The following KAZN variants were observed in gnomAD, a reference collection of about 807,000 sequenced individuals.
KAZN encodes the protein kazrin.
In KAZN, 40 loss-of-function variants were observed where a neutral mutation model predicts 87.4. The ratio of observed to expected loss-of-function variants is 0.46; its 90% CI spans 0.36 to 0.60. KAZN has a LOEUF of 0.60. Ranked by LOEUF, KAZN falls within the 20% of genes least tolerant of loss-of-function variation. The pLI, the probability that KAZN is intolerant of heterozygous loss-of-function variation, is 0.00. For synonymous variants in KAZN, 466 were observed against 458.3 expected (o/e 1.02, Z -0.22); for missense variants, 898 against 1,073.9 (o/e 0.84, Z 2.29).
At position 15,082,126 on chromosome 1, in the gene KAZN, T is replaced by C. The variant is rs192348705; in HGVS notation, c.1223-12054T>C. ...GCCTGCCCTCACCAAGCTCACTGCC[T>C]CAACTCTGCCTCAGTGGCAGCCGAG... On this transcript the variant is annotated intron_variant, in intron 8 of 14. Coordinates refer to ENST00000376030, the MANE Select transcript of KAZN (RefSeq NM_201628.3). Among the ~76,000 whole-genome samples the C allele has an allele frequency of 2.2e-3, 335 of 152,110 alleles. 1 individual carries two copies. Among genetic ancestry groups the C allele is most frequent in the African/African-American group, 7.8e-3 (323 of 41,506 alleles).
At chr1:14,689,878 C>T (rs982369076) in intron 1 of KAZN, among the ~76,000 whole-genome samples, 1 of 152,180 alleles carries the variant, frequency 6.6e-6, no homozygotes, top group African/African-American at 2.4e-5. Context: ...CAAAGCTAGG[C>T]ACCTGTGTCA....
intron 2 of KAZN, among the ~76,000 whole-genome samples, chr1:14,592,583 C>T (rs530542449): frequency 4.6e-5 from 7 of 152,190 alleles, no homozygotes; most frequent in Admixed American, 1.3e-4. Flanking sequence ...TCTTCATCTT[C>T]GCTTCGGGAA....
At chr1:14,587,151 A>C (rs1463416388) in intron 2 of KAZN, among the ~76,000 whole-genome samples, 1 of 152,130 alleles carries the variant, frequency 6.6e-6, no homozygotes, top group Non-Finnish European at 1.5e-5. Context: ...AATTGACAAA[A>C]GGGGCCAGGC....
In KAZN at chr1:14,945,944, G is replaced by C. The variant is rs1440623501; in HGVS notation, c.227-14740G>C. The C allele has an allele frequency of 3.0e-6, 3 of 985,004 alleles. No homozygotes were observed. The Admixed American group carries it at 1.8e-4, about 61-fold the overall frequency. 61.0% of individuals were successfully genotyped at this position (985,004 alleles called of 1,614,324 possible). On this transcript the variant is annotated intron_variant, in intron 1 of 14. Transcript: ENST00000376030. ...GCATCAGCAGCTGTCTGCCAGTGTT[G>C]ACGGAGGGCTCATGGGTGCCAGGCC...
upstream of KAZN, among the ~76,000 whole-genome samples, chr1:14,598,373 C>T (rs1349602404): frequency 6.6e-6 from 1 of 152,164 alleles, no homozygotes; most frequent in Non-Finnish European, 1.5e-5. This position sits in a 1 kb window ranked among gnomAD's most constrained non-coding sequence, Gnocchi z 4.2. Context: ...ACCCTCTCTT[C>T]CGAGCACCCA....
At chr1:14,646,870 C>G (rs900916825) in intron 1 of KAZN, among the ~76,000 whole-genome samples, 2 of 152,168 alleles carry the variant, frequency 1.3e-5, no homozygotes, top group Non-Finnish European at 2.9e-5. Context: ...TGACAACTGC[C>G]AAAGAATTAG....
intron 1 of KAZN, among the ~76,000 whole-genome samples, chr1:14,763,465 C>T (rs1644800051): frequency 6.6e-6 from 1 of 152,192 alleles, no homozygotes; most frequent in African/African-American, 2.4e-5. Context: ...AACATTTGTA[C>T]CCAGCTACAC....
intron 13 of KAZN, among the ~76,000 whole-genome samples, chr1:15,109,687 ATGTG>A (rs1302910365): frequency 6.6e-5 from 10 of 150,460 alleles, no homozygotes; most frequent in Admixed American, 2.0e-4. Context: ...ATATGGGTGT[ATGTG>A]TATGTTTGTG....
At chr1:13,929,863 G>A (rs921325084) in intron 1 of KAZN, among the ~76,000 whole-genome samples, 12 of 152,148 alleles carry the variant, frequency 7.9e-5, no homozygotes, top group Admixed American at 4.6e-4. Context: ...TTAAATCCTC[G>A]TAGCAACTGC....
intron 1 of KAZN, among the ~76,000 whole-genome samples, chr1:14,738,493 C>T (rs1643982069): frequency 6.6e-6 from 1 of 152,068 alleles, no homozygotes; most frequent in South Asian, 2.1e-4. Context: ...TGTCTCCAAG[C>T]ATCCAATTAA....
chr1:14,667,792 T>C (rs1557876087), intron 1 of KAZN, among the ~76,000 whole-genome samples: 2 of 149,480 alleles, frequency 1.3e-5, no homozygotes, highest in Non-Finnish European at 3.0e-5. Context: ...CCCTCTTTTA[T>C]GTAGATGAGT....
At chr1:14,108,686 AC>A (rs1365792508) in intron 1 of KAZN, among the ~76,000 whole-genome samples, 1 of 151,926 alleles carries the variant, frequency 6.6e-6, no homozygotes, top group Admixed American at 6.6e-5. Flanking sequence ...CCCCAAAGTG[AC>A]CCTTTATCTT....
chr1:14,884,974 G>A lies in KAZN; in HGVS notation c.227-75710G>A, dbSNP rs117191389. 2.3e-4 allele frequency among the ~76,000 whole-genome samples: 35 copies of A among 152,326 alleles called. 1 individual carries two copies. The East Asian group carries it at 5.2e-3, about 23-fold the overall frequency. On this transcript the variant is annotated intron_variant, in intron 1 of 14. Coordinates refer to ENST00000376030, the MANE Select transcript of KAZN (RefSeq NM_201628.3). The stretch of plus-strand genomic sequence containing the variant: ...GCAGAGATCGAGCATCACGGAACAC[G>A]TATCGTAATGCTGTGCTCACCGAGG...
rs148462345 is a variant in KAZN at position 14,618,402 on chromosome 1, T to C, written c.226+19179T>C. ...GGATCATAATTTTATTCTGTACATA[T>C]TTCTTGGGCACCTGCCCCATGGCTG... On this transcript the variant is annotated intron_variant, in intron 1 of 14. Coordinates refer to ENST00000376030, the MANE Select transcript of KAZN (RefSeq NM_201628.3). Among the ~76,000 whole-genome samples the C allele has an allele frequency of 2.2e-3, 334 of 152,340 alleles. 2 individuals carry two copies. Among genetic ancestry groups the C allele is most frequent in the African/African-American group, 7.7e-3 (322 of 41,578 alleles).
intron 1 of KAZN, among the ~76,000 whole-genome samples, chr1:14,781,914 C>T (rs1645363347): frequency 1.3e-5 from 2 of 152,172 alleles, no homozygotes; most frequent in Non-Finnish European, 2.9e-5. Flanking sequence ...GGACTGAATT[C>T]CACGATCCAT....
chr1:15,062,906 G>C (rs545863547), intron 6 of KAZN: 41 of 152,392 alleles, frequency 2.7e-4, no homozygotes, highest in African/African-American at 9.6e-4. Context: ...ACCCCTCCTG[G>C]GGCAGCCCAA....
At chr1:14,227,211 G>A (rs1647369940) in intron 2 of KAZN, among the ~76,000 whole-genome samples, 1 of 152,106 alleles carries the variant, frequency 6.6e-6, no homozygotes, top group Non-Finnish European at 1.5e-5. Context: ...AAAGTGGTGG[G>A]TCTTTCAGTT....
chr1:14,062,391 G>A (rs531909591), intron 1 of KAZN, among the ~76,000 whole-genome samples: 8 of 152,148 alleles, frequency 5.3e-5, no homozygotes, highest in Non-Finnish European at 1.2e-4. Flanking sequence ...GCAAAAGAGG[G>A]TTTTCAGTTT....
intron 1 of KAZN, among the ~76,000 whole-genome samples, chr1:14,644,304 G>C (rs1474956283): frequency 6.7e-6 from 1 of 150,374 alleles, no homozygotes; most frequent in East Asian, 1.9e-4. Flanking sequence ...GAGCCACCAC[G>C]CCCGCCTGCC....
Sources: allele counts gnomAD v4.1 joint callset (sites outside exome capture counted in the v4.1 genomes callset), GRCh38; gene constraint gnomAD v4.1.1; non-coding constraint Gnocchi (gnomAD v3.1); transcripts MANE v1.5; gene names NCBI Gene and HGNC (gene_info 2026-07-23, HGNC 2026-07-21).